Variants in MAGI1 observed in about 807,000 individuals in gnomAD.
The protein encoded by MAGI1 is membrane associated guanylate kinase, WW and PDZ domain containing 1, also known as membrane-associated guanylate kinase, WW and PDZ domain-containing protein 1.
Under a neutral mutation model 139.9 loss-of-function variants are expected in MAGI1, and 58 were observed. The observed-to-expected ratio is 0.41, with a 90% CI of 0.34 to 0.52. MAGI1 has a LOEUF of 0.52. Among genes scored for constraint, MAGI1 ranks in the 20% least tolerant of loss-of-function variants. The probability of loss-of-function intolerance (pLI) is 0.12; values close to 1 mark genes in which losing one functional copy is unlikely to be tolerated. For synonymous variants in MAGI1, 812 were observed against 737.9 expected, an observed-to-expected ratio of 1.10 and a Z score of -1.63; for missense variants, 1,874 against 1,901.6, an observed-to-expected ratio of 0.99 and a Z score of 0.27.
chr3:65,458,625 CT>C (rs1246271515), intron 5 of MAGI1, among the ~76,000 whole-genome samples: 1 of 152,074 alleles, frequency 6.6e-6, no homozygotes, highest in Non-Finnish European at 1.5e-5. Flanking sequence ...GAAATGTCCA[CT>C]CAGATCTTTC....
At chr3:65,467,444 A>G (rs150236020) in intron 5 of MAGI1, among the ~76,000 whole-genome samples, 1 of 152,352 alleles carries the variant, frequency 6.6e-6, no homozygotes, top group East Asian at 1.9e-4. Context: ...ATTTAGGCTA[A>G]AATATAAATG....
At chr3:65,996,971 A>C (rs1473232359) in intron 1 of MAGI1, among the ~76,000 whole-genome samples, 1 of 152,136 alleles carries the variant, frequency 6.6e-6, no homozygotes, top group African/African-American at 2.4e-5. Flanking sequence ...TCTATTCCCA[A>C]TTTTCTCACA....
At chr3:65,750,684 C>T (rs2036076217) in intron 1 of MAGI1, among the ~76,000 whole-genome samples, 1 of 152,146 alleles carries the variant, frequency 6.6e-6, no homozygotes, top group Non-Finnish European at 1.5e-5. Context: ...CTTTGGAGTC[C>T]AATCCCAAAT....
chr3:65,383,460 T>C (rs1943214387), intron 15 of MAGI1, 72 bp downstream of exon 15: 2 of 1,108,854 alleles, frequency 1.8e-6, no homozygotes, highest in East Asian at 2.4e-5. Context: ...TCTTGGTGAT[T>C]TGTCACTGTC....
At chr3:65,928,565 C>T (rs1003784601) in intron 1 of MAGI1, among the ~76,000 whole-genome samples, 1 of 152,084 alleles carries the variant, frequency 6.6e-6, no homozygotes, top group African/African-American at 2.4e-5. Context: ...AACATTGTCA[C>T]GGTGGCAAGC....
intron 1 of MAGI1, among the ~76,000 whole-genome samples, chr3:65,769,824 G>A (rs559288043): frequency 6.6e-6 from 1 of 152,322 alleles, no homozygotes; most frequent in East Asian, 1.9e-4. Flanking sequence ...TTCAAGTTCA[G>A]GTTTTCGGAT....
intron 16 of MAGI1, among the ~76,000 whole-genome samples, chr3:65,381,370 GGAATCAAAGCTGACCTA>G (rs1943036831): frequency 6.6e-6 from 1 of 152,018 alleles, no homozygotes; most frequent in East Asian, 1.9e-4. Flanking sequence ...GCAGGAAGAA[GGAATCAAAGCTGACCTA>G]GAACTGGCCA....
intron 1 of MAGI1, among the ~76,000 whole-genome samples, chr3:66,023,169 C>T (rs748733669): frequency 1.3e-5 from 2 of 152,042 alleles, no homozygotes; most frequent in Non-Finnish European, 2.9e-5. Flanking sequence ...TTCTGGATTA[C>T]ATATAGAATA....
chr3:65,838,595 T>A (rs1375212346), intron 1 of MAGI1, among the ~76,000 whole-genome samples: 1 of 152,208 alleles, frequency 6.6e-6, no homozygotes, highest in Non-Finnish European at 1.5e-5. Flanking sequence ...TGAACAGTAT[T>A]CCATGGCATG....
At chr3:65,999,267 G>A (rs1448592906) in intron 1 of MAGI1, among the ~76,000 whole-genome samples, 1 of 152,084 alleles carries the variant, frequency 6.6e-6, no homozygotes, top group Non-Finnish European at 1.5e-5. Context: ...GTGTTGAAAA[G>A]AAGCCCTTTT....
rs374891335 is a variant in MAGI1, at chr3:65,356,951, A to G, written c.3816T>C (p.Tyr1272=). Residue 1272 remains tyrosine (Y), a synonymous_variant, in exon 23 of 23, where the codon TAT becomes TAC. Coordinates refer to ENST00000402939, the MANE Select transcript of MAGI1 (RefSeq NM_001033057.2). ...HARDPKGSRE[Y]SRQPNEHHTW... ...TGTGGTGTTCATTGGGTTGTCTGCTATACTCTCTGCTGCCTTTCGGATCCC... is the reference window on the plus strand; with the variant it reads ...TGTGGTGTTCATTGGGTTGTCTGCTGTACTCTCTGCTGCCTTTCGGATCCC... 9.3e-6 allele frequency: 15 copies of G among 1,613,926 alleles called. No homozygotes were observed. The highest frequency in any genetic ancestry group is 2.7e-5 in the African/African-American group (2 of 74,878).
chr3:65,676,045 A>C (rs1020484951), intron 1 of MAGI1, among the ~76,000 whole-genome samples: 1 of 152,260 alleles, frequency 6.6e-6, no homozygotes, highest in African/African-American at 2.4e-5. Flanking sequence ...TAAAGAAAGC[A>C]TGTGATAAAT....
chr3:65,872,718 A>G (rs1248356481), intron 1 of MAGI1: 2 of 152,238 alleles, frequency 1.3e-5, no homozygotes, highest in Non-Finnish European at 2.9e-5. Context: ...ATGCAAGTGA[A>G]TATTATACAA....
At chr3:65,578,771 A>G (rs542065002) in intron 2 of MAGI1, among the ~76,000 whole-genome samples, 2 of 152,094 alleles carry the variant, frequency 1.3e-5, no homozygotes, top group South Asian at 4.2e-4. Flanking sequence ...AATACAAGAA[A>G]CTAGCGGGGC....
At chr3:65,880,237 G>A (rs1452575234) in intron 1 of MAGI1, among the ~76,000 whole-genome samples, 1 of 140,064 alleles carries the variant, frequency 7.1e-6, no homozygotes, top group African/African-American at 3.0e-5. Context: ...GCAAGACCCT[G>A]TCTCAAGAAA....
chr3:65,472,931 A>T (rs1409380307), intron 4 of MAGI1, among the ~76,000 whole-genome samples: 1 of 152,250 alleles, frequency 6.6e-6, no homozygotes, highest in African/African-American at 2.4e-5. Context: ...GATTACGGAC[A>T]CTGACCCTGG....
intron 1 of MAGI1, among the ~76,000 whole-genome samples, chr3:65,749,479 C>T (rs1235299697): frequency 6.6e-6 from 1 of 151,950 alleles, no homozygotes; most frequent in Non-Finnish European, 1.5e-5. Context: ...TATGAGGATG[C>T]AAAGGTATAA....
At chr3:65,747,886 G>T (rs1191303654) in intron 1 of MAGI1, among the ~76,000 whole-genome samples, 1 of 152,180 alleles carries the variant, frequency 6.6e-6, no homozygotes, top group Non-Finnish European at 1.5e-5. Context: ...CTACAGAAAG[G>T]CAGAAGCAAA....
At chr3:65,865,553 C>T (rs1397944997) in intron 1 of MAGI1, among the ~76,000 whole-genome samples, 4 of 151,660 alleles carry the variant, frequency 2.6e-5, no homozygotes. Context: ...CAAGATCACA[C>T]CACTGCAATC....
Sources: allele counts gnomAD v4.1 joint callset (sites outside exome capture counted in the v4.1 genomes callset), GRCh38; gene constraint gnomAD v4.1.1; transcripts MANE v1.5; gene names NCBI Gene and HGNC (gene_info 2026-07-23, HGNC 2026-07-21).